The following DSCAML1 variants were observed in gnomAD, a reference collection of about 807,000 sequenced individuals.
DSCAML1 encodes cell adhesion molecule DSCAML1.
In DSCAML1, 38 loss-of-function variants were observed where a neutral mutation model predicts 200.5. The ratio of observed to expected loss-of-function variants is 0.19; its 90% CI spans 0.15 to 0.25. The LOEUF (loss-of-function observed/expected upper bound fraction) is 0.25, where lower values mean the gene tolerates loss of function less well. Ranked by LOEUF, DSCAML1 falls within the 10% of genes least tolerant of loss-of-function variation. DSCAML1 has a pLI of 1.00. For synonymous variants in DSCAML1, 1,215 were observed against 1,165.0 expected (o/e 1.04, Z -0.87); for missense variants, 2,223 against 2,858.8 (o/e 0.78, Z 5.07).
intron 14 of DSCAML1, among the ~76,000 whole-genome samples, chr11:117,477,024 C>T (rs1682573119): frequency 1.3e-5 from 2 of 152,144 alleles, no homozygotes; most frequent in African/African-American, 2.4e-5. Flanking sequence ...CCCAAATCCT[C>T]ATGGCCACCC....
At chr11:117,560,749 C>A (rs1182635439) in intron 3 of DSCAML1, among the ~76,000 whole-genome samples, 2 of 152,206 alleles carry the variant, frequency 1.3e-5, no homozygotes, top group Admixed American at 1.3e-4. Context: ...CCTGCCTGCC[C>A]ATCCCTGTTT....
At position 117,772,102 on chromosome 11, in the gene DSCAML1, G is replaced by C. The variant is rs532834453; in HGVS notation, c.511+4689C>G. On this transcript the variant is annotated intron_variant, in intron 3 of 32. Coordinates refer to ENST00000651296, the MANE Select transcript of DSCAML1 (RefSeq NM_020693.4). ...GTGGAAGAGGGCATGTGGACGAAGT[G>C]TAAGGGACAAAAGAGGGGCAGGGTG... is the stretch of plus-strand genomic sequence containing the variant. 4.8e-4 allele frequency among the ~76,000 whole-genome samples: 73 copies of C among 152,266 alleles called. 4 individuals are homozygous for C. In the Middle Eastern group the frequency reaches 0.034, roughly 71 times the overall value.
intron 3 of DSCAML1, among the ~76,000 whole-genome samples, chr11:117,634,048 T>C (rs2052227132): frequency 6.6e-6 from 1 of 152,132 alleles, no homozygotes; most frequent in Non-Finnish European, 1.5e-5. Flanking sequence ...CAATGATGAA[T>C]CCAGTTTTAC....
intron 8 of DSCAML1, among the ~76,000 whole-genome samples, chr11:117,513,944 C>T (rs186067838): frequency 6.6e-6 from 1 of 152,286 alleles, no homozygotes; most frequent in African/African-American, 2.4e-5. Flanking sequence ...ACCCAGCCTT[C>T]CACTGCCACG....
intron 3 of DSCAML1, among the ~76,000 whole-genome samples, chr11:117,614,213 C>G (rs1327685770): frequency 6.6e-6 from 1 of 152,164 alleles, no homozygotes; most frequent in Non-Finnish European, 1.5e-5. Context: ...ATCAACTAAG[C>G]TCCTTGAGAA....
chr11:117,698,587 T>A (rs554103251), intron 3 of DSCAML1, among the ~76,000 whole-genome samples: 1 of 151,622 alleles, frequency 6.6e-6, no homozygotes, highest in African/African-American at 2.4e-5. Context: ...GTTATTATTA[T>A]TTTTTTTTCT....
chr11:117,548,036 T>C (rs1369076409), intron 3 of DSCAML1, among the ~76,000 whole-genome samples: 1 of 152,192 alleles, frequency 6.6e-6, no homozygotes, highest in Non-Finnish European at 1.5e-5. Flanking sequence ...TGCATACTCG[T>C]CTCTACTGGG....
chr11:117,491,238 AC>A (rs1356624245), intron 11 of DSCAML1, among the ~76,000 whole-genome samples: 3 of 152,216 alleles, frequency 2.0e-5, no homozygotes, highest in Admixed American at 1.3e-4. Context: ...GGGCATGACT[AC>A]GATAATAATC....
chr11:117,648,600 G>A (rs911842455), intron 3 of DSCAML1, among the ~76,000 whole-genome samples: 1 of 152,164 alleles, frequency 6.6e-6, no homozygotes, highest in African/African-American at 2.4e-5. Context: ...TTCATCATGG[G>A]TCACAGAGCA....
At chr11:117,431,404 A>T in intron 31 of DSCAML1, 130 bp downstream of exon 31, 1 of 830,528 alleles carries the variant, frequency 1.2e-6, no homozygotes, top group Non-Finnish European at 1.8e-6. Context: ...GTGACCAGCT[A>T]GACATGAAAC....
At chr11:117,654,434 A>T (rs1044575639) in intron 3 of DSCAML1, among the ~76,000 whole-genome samples, 1 of 152,196 alleles carries the variant, frequency 6.6e-6, no homozygotes, top group Non-Finnish European at 1.5e-5. Flanking sequence ...ATGCACTCAC[A>T]TTCTGGGCAC....
intron 3 of DSCAML1, among the ~76,000 whole-genome samples, chr11:117,663,163 A>G (rs556175246): frequency 6.6e-6 from 1 of 152,306 alleles, no homozygotes; most frequent in Non-Finnish European, 1.5e-5. Context: ...ATTGCACGCT[A>G]CCGAAAAGCC....
At chr11:117,721,342 G>A (rs1324048485) in intron 3 of DSCAML1, among the ~76,000 whole-genome samples, 2 of 152,204 alleles carry the variant, frequency 1.3e-5, no homozygotes, top group Non-Finnish European at 2.9e-5. Flanking sequence ...GAGATCCGTA[G>A]TTTAAGTCCA....
chr11:117,478,531 ATTCATTC>A (rs1441859948), intron 14 of DSCAML1, among the ~76,000 whole-genome samples: 1 of 152,052 alleles, frequency 6.6e-6, no homozygotes, highest in Non-Finnish European at 1.5e-5. Flanking sequence ...TTCCACTCAC[ATTCATTC>A]TTCTAAGGCA....
At chr11:117,571,519 G>A in intron 3 of DSCAML1, among the ~76,000 whole-genome samples, 1 of 152,160 alleles carries the variant, frequency 6.6e-6, no homozygotes, top group East Asian at 1.9e-4. Context: ...CTGTTTTGCT[G>A]AGATTTCCGG....
chr11:117,760,942 C>A (rs1239226436), intron 3 of DSCAML1, among the ~76,000 whole-genome samples: 2 of 152,178 alleles, frequency 1.3e-5, no homozygotes, highest in Admixed American at 6.5e-5. Context: ...AAACCCCATG[C>A]CCTTTTCCAT....
At chr11:117,595,535 T>C (rs1182963650) in intron 3 of DSCAML1, among the ~76,000 whole-genome samples, 1 of 152,184 alleles carries the variant, frequency 6.6e-6, no homozygotes, top group Non-Finnish European at 1.5e-5. Flanking sequence ...AAGGACTACA[T>C]AGCATTCCCC....
At chr11:117,793,516 GAGA>G (rs1376025696) in intron 1 of DSCAML1, among the ~76,000 whole-genome samples, 2 of 152,184 alleles carry the variant, frequency 1.3e-5, no homozygotes, top group East Asian at 1.9e-4. Flanking sequence ...CTAAGACACA[GAGA>G]AGGTCAGGAA....
chr11:117,567,478 A>G (rs1478098915), intron 3 of DSCAML1, among the ~76,000 whole-genome samples: 1 of 152,120 alleles, frequency 6.6e-6, no homozygotes, highest in East Asian at 1.9e-4. Flanking sequence ...TCTGGACACT[A>G]GCCCTTTGTC....
Sources: allele counts gnomAD v4.1 joint callset (sites outside exome capture counted in the v4.1 genomes callset), GRCh38; gene constraint gnomAD v4.1.1; transcripts MANE v1.5; gene names NCBI Gene and HGNC (gene_info 2026-07-23, HGNC 2026-07-21).